SLC7A2: variants seen among roughly 807,000 people sequenced by gnomAD.
The protein encoded by SLC7A2 is solute carrier family 7 member 2, also known as cationic amino acid transporter 2.
A neutral mutation model predicts 58.9 loss-of-function variants in SLC7A2; 48 were observed. The observed-to-expected ratio is 0.82, with a 90% CI of 0.65 to 1.04. The LOEUF is 1.04. SLC7A2 is among the 50% of genes least tolerant of loss of function. The probability of loss-of-function intolerance (pLI) is 0.00; values close to 1 mark genes in which losing one functional copy is unlikely to be tolerated. For synonymous variants in SLC7A2, 363 were observed against 314.5 expected, an observed-to-expected ratio of 1.15 and a Z score of -1.63; for missense variants, 1,029 against 818.8, an observed-to-expected ratio of 1.26 and a Z score of -3.13.
At chr8:17,505,881 T>C (rs1278344532) in intron 2 of SLC7A2, among the ~76,000 whole-genome samples, 2 of 152,190 alleles carry the variant, frequency 1.3e-5, no homozygotes, top group African/African-American at 4.8e-5. Flanking sequence ...TGCAGGGCCT[T>C]ATCAGTTTTT....
chr8:17,540,330 C>T (rs1372214053), intron 2 of SLC7A2, among the ~76,000 whole-genome samples: 1 of 152,072 alleles, frequency 6.6e-6, no homozygotes, highest in Non-Finnish European at 1.5e-5. Context: ...CCTGCCAGTT[C>T]TGAGAAGTTT....
At chr8:17,535,206 C>A (rs906059683) in intron 2 of SLC7A2, among the ~76,000 whole-genome samples, 9 of 152,138 alleles carry the variant, frequency 5.9e-5, no homozygotes, top group African/African-American at 2.2e-4. Flanking sequence ...GCTTCCCCAT[C>A]CCTAAGCTCT....
At position 17,543,511 on chromosome 8, in the gene SLC7A2, G is replaced by T; in HGVS notation, c.172G>T (p.Glu58Ter). 1 of 1,613,946 alleles carries T rather than the reference G, an allele frequency of 6.2e-7. No homozygotes were observed. Among genetic ancestry groups the T allele is most frequent in the Non-Finnish European group, 8.5e-7 (1 of 1,179,958 alleles). The change falls in exon 3 of 13, where the codon GAG (glutamate) becomes TAG (stop). Residue 58 changes from glutamate to a stop codon, truncating the protein, a stop_gained. Transcript: ENST00000494857. LOFTEE classifies it high-confidence loss of function. ...LGAGVYVLAG[E>*]VAKADSGPSI... is the part of the protein sequence containing the mutation. ...GGCCGGGGTTTATGTCCTCGCTGGG[G>T]AGGTGGCCAAGGCAGACTCGGGCCC...
At chr8:17,525,866 G>C (rs1278416690) in intron 2 of SLC7A2, among the ~76,000 whole-genome samples, 1 of 152,192 alleles carries the variant, frequency 6.6e-6, no homozygotes, top group Admixed American at 6.5e-5. Flanking sequence ...GGGAGGCTGA[G>C]TACTGAGAGT....
At chr8:17,512,218 A>G (rs1800631880) in intron 2 of SLC7A2, among the ~76,000 whole-genome samples, 1 of 152,020 alleles carries the variant, frequency 6.6e-6, no homozygotes, top group Admixed American at 6.6e-5. Context: ...GCTTTTTTTC[A>G]AGGCCCTGGA....
rs1563454562 is a variant in SLC7A2 at position 17,532,261 on chromosome 8, C to CAAAAA, written c.-22-11057_-22-11056insAAAAA. ...AAAAAAAAAAAAAAAAAAAAAAAAC[C>CAAAAA]CCAGCAATTCTAGGGAGGAATAATG... On this transcript the variant is annotated intron_variant, in intron 2 of 12. Transcript: ENST00000494857. Among the ~76,000 whole-genome samples the CAAAAA allele has an allele frequency of 1.4e-4, 4 of 28,660 alleles. 1 individual carries two copies. Among genetic ancestry groups the CAAAAA allele is most frequent in the South Asian group, 3.0e-3 (2 of 656 alleles). The allele number at this position is 28,660 out of a possible 152,430, so 18.8% of individuals were successfully genotyped here. A position where few individuals can be genotyped will look rare whatever the true frequency, so the allele number is the denominator to read the frequency against.
chr8:17,535,426 C>T (rs985980711), intron 2 of SLC7A2, among the ~76,000 whole-genome samples: 1 of 152,168 alleles, frequency 6.6e-6, no homozygotes, highest in Non-Finnish European at 1.5e-5. Context: ...CTTGCAGTGC[C>T]CTGCTTCCCC....
Position 17,569,768 on chromosome 8 carries a change from C to G in SLC7A2, c.*4622C>G, listed in dbSNP as rs1803429144. Reference sequence around the variant, plus strand: ...TGTTTGCTGGGAGCATTATACTTAACTTTGATTCACCATGGTTGATGCCAC... The same window carrying G: ...TGTTTGCTGGGAGCATTATACTTAAGTTTGATTCACCATGGTTGATGCCAC... On this transcript the variant is annotated 3_prime_UTR_variant, in exon 13 of 13. Coordinates refer to ENST00000494857, the MANE Select transcript of SLC7A2 (RefSeq NM_001370338.1). 1 of 152,150 alleles carries G rather than the reference C, an allele frequency of 6.6e-6. No individual in the cohort carries two copies. The highest frequency in any genetic ancestry group is 2.4e-5 in the African/African-American group (1 of 41,422). 9.4% of individuals were successfully genotyped at this position (152,150 alleles called of 1,614,324 possible).
chr8:17,526,934 G>A (rs1801244771), intron 2 of SLC7A2, among the ~76,000 whole-genome samples: 1 of 152,156 alleles, frequency 6.6e-6, no homozygotes. Flanking sequence ...AAGTTCGAGA[G>A]AAATGTGGAT....
At chr8:17,542,211 A>G (rs775242750) in intron 2 of SLC7A2, among the ~76,000 whole-genome samples, 24 of 152,236 alleles carry the variant, frequency 1.6e-4, no homozygotes, top group Non-Finnish European at 2.6e-4. Flanking sequence ...AAGCTCACAC[A>G]TGCTTGATAA....
intron 2 of SLC7A2, among the ~76,000 whole-genome samples, chr8:17,533,233 C>G (rs1400834854): frequency 6.6e-6 from 1 of 152,160 alleles, no homozygotes; most frequent in African/African-American, 2.4e-5. Context: ...AAGAAGCTAA[C>G]GATAAAAATC....
chr8:17,557,202 G>C (rs1802747969), intron 8 of SLC7A2, among the ~76,000 whole-genome samples: 1 of 152,178 alleles, frequency 6.6e-6, no homozygotes, highest in Non-Finnish European at 1.5e-5. Flanking sequence ...TTTAAATCTT[G>C]TAGAGGGATC....
rs922118844 is a variant in SLC7A2 at position 17,497,160 on chromosome 8, C to G, written c.-146C>G. 6.6e-6 allele frequency: 1 copy of G among 151,694 alleles called. No homozygotes were observed. Among genetic ancestry groups the G allele is most frequent in the Non-Finnish European group, 1.5e-5 (1 of 67,868 alleles). The allele number at this position is 151,694 out of a possible 1,614,324, so 9.4% of individuals were successfully genotyped here. A position where few individuals can be genotyped will look rare whatever the true frequency, so the allele number is the denominator to read the frequency against. ...GAGGCGGCGGCCGCTGCTCCAGCGT[C>G]CCCCAGCCGCGGGCCCCCGACGCGC... On this transcript the variant is annotated 5_prime_UTR_variant, in exon 1 of 13. Transcript: ENST00000494857.
At chr8:17,525,654 A>T (rs1278090062) in intron 2 of SLC7A2, among the ~76,000 whole-genome samples, 3 of 152,186 alleles carry the variant, frequency 2.0e-5, no homozygotes, top group African/African-American at 7.2e-5. Flanking sequence ...GTAGAATCCT[A>T]CATGCCTCAA....
chr8:17,532,040 C>T (rs905159521), intron 2 of SLC7A2, among the ~76,000 whole-genome samples: 3 of 151,620 alleles, frequency 2.0e-5, no homozygotes, highest in Non-Finnish European at 4.4e-5. Flanking sequence ...CCAGCCTGGC[C>T]AACGTGGTGA....
chr8:17,503,853 G>A (rs763401601), intron 2 of SLC7A2, among the ~76,000 whole-genome samples: 5 of 152,186 alleles, frequency 3.3e-5, no homozygotes, highest in Non-Finnish European at 7.3e-5. Context: ...CTTTAATTCA[G>A]TTGTGATTTA....
chr8:17,522,475 T>A (rs538600074), intron 2 of SLC7A2, among the ~76,000 whole-genome samples: 1 of 152,286 alleles, frequency 6.6e-6, no homozygotes, highest in South Asian at 2.1e-4. Flanking sequence ...GAGTAGATTG[T>A]GCGCTTGTTT....
chr8:17,550,484 A>G, intron 6 of SLC7A2, 50 bp downstream of exon 6: 1 of 1,570,050 alleles, frequency 6.4e-7, no homozygotes, highest in Non-Finnish European at 8.7e-7. Flanking sequence ...CTTGTTGTGC[A>G]CGAGTACCCG....
chr8:17,565,162 A>G lies in SLC7A2; in HGVS notation c.*16A>G. On this transcript the variant is annotated 3_prime_UTR_variant, in exon 13 of 13. Coordinates refer to ENST00000494857, the MANE Select transcript of SLC7A2 (RefSeq NM_001370338.1). ...TGAATTCTAACACTTGCAGGAGCAGAGCTGGTCATCGTCTTAGCATACATA... is the reference window on the plus strand; with the variant it reads ...TGAATTCTAACACTTGCAGGAGCAGGGCTGGTCATCGTCTTAGCATACATA... 2 of 1,596,146 alleles carry G rather than the reference A, an allele frequency of 1.3e-6. No homozygotes were observed. The highest frequency in any genetic ancestry group is 1.1e-5 in the South Asian group (1 of 89,162).
Sources: allele counts gnomAD v4.1 joint callset (sites outside exome capture counted in the v4.1 genomes callset), GRCh38; gene constraint gnomAD v4.1.1; transcripts MANE v1.5; gene names NCBI Gene and HGNC (gene_info 2026-07-23, HGNC 2026-07-21).